The following CNTN5 variants were observed in gnomAD, a reference collection of about 807,000 sequenced individuals.
CNTN5 encodes contactin 5, also known as contactin-5.
CNTN5 carries 77 observed loss-of-function variants against 129.1 expected under a neutral mutation model. That is an observed-to-expected ratio of 0.60 (90% CI 0.50 to 0.72). The LOEUF is 0.72. CNTN5 is among the 30% of genes least tolerant of loss of function. The pLI is 0.00. For missense variants in CNTN5, 1,478 were observed against 1,328.8 expected, an observed-to-expected ratio of 1.11 and a Z score of -1.75; for synonymous variants, 509 against 465.6, an observed-to-expected ratio of 1.09 and a Z score of -1.20.
intron 3 of CNTN5, among the ~76,000 whole-genome samples, chr11:99,811,487 T>A (rs1318183282): frequency 6.8e-6 from 1 of 147,902 alleles, no homozygotes; most frequent in African/African-American, 2.5e-5. Flanking sequence ...ATATTATAAC[T>A]ATTATATTTA....
At chr11:99,380,783 A>AG (rs1220022938) in intron 2 of CNTN5, among the ~76,000 whole-genome samples, 53 of 90,136 alleles carry the variant, frequency 5.9e-4, no homozygotes, top group African/African-American at 1.5e-3. Context: ...AAAAAAAAAA[A>AG]AAAGAAAAGA....
chr11:99,735,620 C>T (rs902967054), intron 3 of CNTN5, among the ~76,000 whole-genome samples: 6 of 152,134 alleles, frequency 3.9e-5, no homozygotes, highest in African/African-American at 4.8e-5. Context: ...TCTGGATAAA[C>T]GGGAAGCCTA....
intron 4 of CNTN5, among the ~76,000 whole-genome samples, chr11:99,843,008 A>G (rs1017305078): frequency 6.6e-6 from 1 of 152,140 alleles, no homozygotes; most frequent in South Asian, 2.1e-4. Flanking sequence ...AGGCGGGCGG[A>G]TTACTTGAGG....
chr11:100,307,693 A>G (rs1453412806), intron 20 of CNTN5, among the ~76,000 whole-genome samples: 3 of 151,674 alleles, frequency 2.0e-5, no homozygotes, highest in African/African-American at 7.3e-5. Flanking sequence ...AATCATGAAA[A>G]TGTAGTCTTG....
intron 1 of CNTN5, among the ~76,000 whole-genome samples, chr11:99,066,537 T>G (rs1032397155): frequency 1.3e-5 from 2 of 152,192 alleles, no homozygotes; most frequent in African/African-American, 4.8e-5. Context: ...TGTCCATCCT[T>G]TAAAAACAGT....
chr11:99,947,519 G>A (rs984959091), intron 7 of CNTN5, among the ~76,000 whole-genome samples: 1 of 152,030 alleles, frequency 6.6e-6, no homozygotes, highest in African/African-American at 2.4e-5. Flanking sequence ...ATGAGCATTA[G>A]TTAAGCCATA....
At chr11:99,580,663 G>C (rs1221230010) in intron 3 of CNTN5, among the ~76,000 whole-genome samples, 2 of 151,858 alleles carry the variant, frequency 1.3e-5, no homozygotes, top group Admixed American at 1.3e-4. Flanking sequence ...AGTTCTGTGG[G>C]GTCGGTGGTG....
chr11:99,038,187 T>C (rs930718142), intron 1 of CNTN5, among the ~76,000 whole-genome samples: 1 of 152,100 alleles, frequency 6.6e-6, no homozygotes, highest in Non-Finnish European at 1.5e-5. Context: ...ATAACATCAA[T>C]AAGACTAATT....
intron 3 of CNTN5, among the ~76,000 whole-genome samples, chr11:99,801,781 TA>T (rs957087030): frequency 5.3e-5 from 8 of 152,346 alleles, no homozygotes; most frequent in Admixed American, 4.6e-4. Flanking sequence ...GAAGCTCTGA[TA>T]TTTTTTTAAA....
chr11:100,101,525 G>A (rs1161267841), intron 13 of CNTN5, among the ~76,000 whole-genome samples: 2 of 151,824 alleles, frequency 1.3e-5, no homozygotes, highest in African/African-American at 2.4e-5. Context: ...CTCATGCAGC[G>A]GCTTCTGCTT....
chr11:99,140,562 G>C (rs938771512), intron 1 of CNTN5, among the ~76,000 whole-genome samples: 1 of 151,888 alleles, frequency 6.6e-6, no homozygotes, highest in African/African-American at 2.4e-5. Context: ...AGGCATCCTT[G>C]CTTGTTCCAG....
intron 1 of CNTN5, among the ~76,000 whole-genome samples, chr11:99,158,456 T>A (rs1860439767): frequency 6.6e-6 from 1 of 152,222 alleles, no homozygotes; most frequent in Non-Finnish European, 1.5e-5. Context: ...TTCCTTATTA[T>A]TTCTACTTTA....
intron 3 of CNTN5, among the ~76,000 whole-genome samples, chr11:99,784,463 G>T (rs1428108386): frequency 1.3e-5 from 2 of 151,196 alleles, no homozygotes. Flanking sequence ...CCATGTCCCT[G>T]CAAAGGACAT....
intron 12 of CNTN5, among the ~76,000 whole-genome samples, chr11:100,073,510 C>A (rs1944011138): frequency 6.6e-6 from 1 of 151,572 alleles, no homozygotes; most frequent in African/African-American, 2.4e-5. Context: ...ATACTGTGGA[C>A]TTGTAGACAT....
intron 13 of CNTN5, among the ~76,000 whole-genome samples, chr11:100,157,209 T>C (rs773907247): frequency 1.1e-4 from 17 of 151,894 alleles, no homozygotes; most frequent in African/African-American, 1.4e-4. Flanking sequence ...TAATGAAGTA[T>C]AAACATTGAA....
intron 3 of CNTN5, among the ~76,000 whole-genome samples, chr11:99,671,124 C>T (rs1953021952): frequency 6.8e-6 from 1 of 147,468 alleles, no homozygotes; most frequent in Admixed American, 7.0e-5. Context: ...TGCTCTCTCT[C>T]TCTTGGCTTC....
intron 1 of CNTN5, among the ~76,000 whole-genome samples, chr11:99,059,240 G>T (rs562344708): frequency 6.6e-6 from 1 of 151,910 alleles, no homozygotes; most frequent in Non-Finnish European, 1.5e-5. Flanking sequence ...TAAATGGATG[G>T]GTAGGCCTTG....
intron 1 of CNTN5, among the ~76,000 whole-genome samples, chr11:99,288,522 TTG>T (rs754115373): frequency 6.6e-6 from 1 of 151,936 alleles, no homozygotes. Flanking sequence ...CTTAGTGTTA[TTG>T]TGTGTCAATT....
At chr11:100,290,089 G>C (rs12276437) in intron 18 of CNTN5, among the ~76,000 whole-genome samples, 2 of 150,756 alleles carry the variant, frequency 1.3e-5, no homozygotes, top group African/African-American at 4.9e-5. Flanking sequence ...ACAAACCACT[G>C]CTCAAGGAAA....
Sources: allele counts gnomAD v4.1 joint callset (sites outside exome capture counted in the v4.1 genomes callset), GRCh38; gene constraint gnomAD v4.1.1; transcripts MANE v1.5; gene names NCBI Gene and HGNC (gene_info 2026-07-23, HGNC 2026-07-21).